The following HDAC4 variants were observed in gnomAD, a reference collection of about 807,000 sequenced individuals.
The protein encoded by HDAC4 is histone deacetylase A.
Under a neutral mutation model 135.1 loss-of-function variants are expected in HDAC4, and 16 were observed. The ratio of observed to expected loss-of-function variants is 0.12; its 90% CI spans 0.08 to 0.18. The LOEUF (loss-of-function observed/expected upper bound fraction) is 0.18, where lower values mean the gene tolerates loss of function less well. Among genes scored for constraint, HDAC4 ranks in the 10% least tolerant of loss-of-function variants. The pLI is 1.00. For missense variants in HDAC4, 1,143 were observed against 1,511.8 expected, an observed-to-expected ratio of 0.76 and a Z score of 4.05; for synonymous variants, 685 against 653.4, an observed-to-expected ratio of 1.05 and a Z score of -0.74.
At chr2:239,142,900 A>G (rs1192951630) in intron 8 of HDAC4, among the ~76,000 whole-genome samples, 1 of 87,250 alleles carries the variant, frequency 1.1e-5, no homozygotes, top group Non-Finnish European at 2.3e-5. Context: ...GAGCTCAGCA[A>G]TGATCGTGCC....
chr2:239,107,605 A>G (rs2152782580), intron 15 of HDAC4, among the ~76,000 whole-genome samples: 1 of 152,356 alleles, frequency 6.6e-6, no homozygotes. Flanking sequence ...TCTTAAAAAA[A>G]GAGAAAATTA....
At position 239,149,128 on chromosome 2, in the gene HDAC4, A is replaced by G. The variant is rs112070739; in HGVS notation, c.734-4414T>C. On this transcript the variant is annotated intron_variant, in intron 7 of 26. Transcript: ENST00000543185. ...AATAAAAAGATAATTCTGGCCGGGC[A>G]TGGAGGCTCATGCCTGTAATCCCAG... Among the ~76,000 whole-genome samples, 1,079 of 152,256 alleles carry G rather than the reference A, an allele frequency of 7.1e-3. 19 individuals are homozygous for G. The highest frequency in any genetic ancestry group is 0.024 in the African/African-American group (1,013 of 41,558).
At chr2:239,333,631 GA>G (rs1030183929) in intron 2 of HDAC4, among the ~76,000 whole-genome samples, 14 of 151,890 alleles carry the variant, frequency 9.2e-5, no homozygotes, top group East Asian at 3.9e-4. Flanking sequence ...ATAAAATAAA[GA>G]AAAAAAGCAT....
chr2:239,187,734 G>A (rs1179962352), intron 4 of HDAC4, among the ~76,000 whole-genome samples: 2 of 152,224 alleles, frequency 1.3e-5, no homozygotes, highest in African/African-American at 4.8e-5. Flanking sequence ...ATCCCAAAGG[G>A]TATGGTGCTT....
chr2:239,345,681 A>C (rs968251120), intron 2 of HDAC4, among the ~76,000 whole-genome samples: 2 of 151,398 alleles, frequency 1.3e-5, no homozygotes, highest in Admixed American at 6.6e-5. Context: ...TAAAACACAC[A>C]CACCCATCTC....
At chr2:239,336,915 T>A (rs1029726330) in intron 2 of HDAC4, among the ~76,000 whole-genome samples, 1 of 152,232 alleles carries the variant, frequency 6.6e-6, no homozygotes, top group Non-Finnish European at 1.5e-5. Context: ...AGGTGTCGCA[T>A]GTCCTGAGAT....
At chr2:239,401,610 C>A, upstream of HDAC4, 1 of 247,442 alleles carries the variant, frequency 4.0e-6, no homozygotes, top group Non-Finnish European at 7.9e-6. Flanking sequence ...ACGCGGGGAG[C>A]CGGCCAGGCC....
Position 239,308,674 on chromosome 2 carries a change from G to A in HDAC4, c.22+44004C>T, listed in dbSNP as rs548399583. On this transcript the variant is annotated intron_variant, in intron 2 of 26. Transcript: ENST00000543185. This position sits in a 1 kb window ranked among gnomAD's most constrained non-coding sequence, Gnocchi z 4.2. ...GAGTGTGGTTAACAGGCCTCCGGGT[G>A]TCCCCCCCTTCCAGCCCAGTGCAGG... is the stretch of plus-strand genomic sequence containing the variant. Among the ~76,000 whole-genome samples, 7 of 152,204 alleles carry A rather than the reference G, an allele frequency of 4.6e-5. No individual in the cohort carries two copies. Among genetic ancestry groups the A allele is most frequent in the African/African-American group, 1.7e-4 (7 of 41,542 alleles).
chr2:239,078,403 CG>C (rs3838507), intron 22 of HDAC4, among the ~76,000 whole-genome samples: 62,122 of 151,972 alleles, frequency 0.41, 13,202 homozygotes, highest in Admixed American at 0.54. Context: ...GCATTGTCCC[CG>C]GGGGGCCCCC....
chr2:239,291,275 G>A (rs1310629233), intron 2 of HDAC4, among the ~76,000 whole-genome samples: 1 of 152,246 alleles, frequency 6.6e-6, no homozygotes, highest in Non-Finnish European at 1.5e-5. Flanking sequence ...CGCCTGCCAG[G>A]GCTGGCCCGG....
chr2:239,141,521 C>T lies in HDAC4; in HGVS notation c.866-1725G>A, dbSNP rs1191284818. Among the ~76,000 whole-genome samples the T allele has an allele frequency of 6.6e-6, 1 of 152,194 alleles. No homozygotes were observed. The highest frequency in any genetic ancestry group is 1.5e-5 in the Non-Finnish European group (1 of 68,038). The stretch of plus-strand genomic sequence containing the variant: ...CCATGTTATTTGCACTGTGAGTGGG[C>T]ATTCTGAGAATGCCACCTGGGCTGA... On this transcript the variant is annotated intron_variant, in intron 8 of 26. Coordinates refer to ENST00000543185, the MANE Select transcript of HDAC4 (RefSeq NM_001378414.1). The surrounding 1 kb of genome is among the most constrained non-coding windows in gnomAD (Gnocchi z 4.9).
intron 2 of HDAC4, among the ~76,000 whole-genome samples, chr2:239,302,420 A>C (rs942082738): frequency 6.6e-5 from 10 of 152,268 alleles, no homozygotes; most frequent in African/African-American, 2.4e-4. Flanking sequence ...CAGAGAGAGG[A>C]GGCCCTTCCA....
intron 12 of HDAC4, among the ~76,000 whole-genome samples, chr2:239,125,709 G>C (rs1271365447): frequency 6.6e-6 from 1 of 152,218 alleles, no homozygotes; most frequent in Non-Finnish European, 1.5e-5. Context: ...GCCAGCATTT[G>C]ATCAACACGT....
intron 8 of HDAC4, among the ~76,000 whole-genome samples, chr2:239,142,941 C>T (rs796848042): frequency 6.6e-6 from 1 of 150,800 alleles, no homozygotes; most frequent in East Asian, 2.0e-4. Context: ...GTGAGCTCAG[C>T]ACTGATCACG....
intron 12 of HDAC4, among the ~76,000 whole-genome samples, chr2:239,119,508 C>T (rs182507932): frequency 7.3e-5 from 11 of 151,024 alleles, no homozygotes; most frequent in South Asian, 2.1e-4. Context: ...GCTGAGGGCG[C>T]GGGGACCAGA....
Position 239,164,005 on chromosome 2 carries a change from G to C in HDAC4, c.491-82C>G, listed in dbSNP as rs899351452. ...ATGCAGGGCAGCGGGGCCACAGAGG[G>C]AGGGAAGGGCTGGGGACGGCTATGC... On this transcript the variant is annotated intron_variant, in intron 5 of 26. Coordinates refer to ENST00000543185, the MANE Select transcript of HDAC4 (RefSeq NM_001378414.1). 2.8e-5 allele frequency: 43 copies of C among 1,560,322 alleles called. No individual in the cohort carries two copies. The Admixed American group carries it at 7.2e-4, about 26-fold the overall frequency.
intron 16 of HDAC4, 93 bp from the exon 17 acceptor site, chr2:239,095,149 C>T: frequency 7.3e-7 from 1 of 1,368,498 alleles, no homozygotes; most frequent in South Asian, 1.2e-5. Context: ...TTCAGTGGCA[C>T]TTGGGCATTT....
intron 1 of HDAC4, among the ~76,000 whole-genome samples, chr2:239,368,056 G>A (rs1239194594): frequency 6.6e-6 from 1 of 152,052 alleles, no homozygotes; most frequent in East Asian, 1.9e-4. Flanking sequence ...TTATGTATAC[G>A]CAAATACTTC....
intron 1 of HDAC4, among the ~76,000 whole-genome samples, chr2:239,380,490 G>C (rs902675576): frequency 3.9e-5 from 6 of 151,962 alleles, no homozygotes; most frequent in African/African-American, 1.5e-4. Flanking sequence ...AGTTCACCAC[G>C]GGCCTGACAG....
Sources: gnomAD v4.1 joint callset for allele counts (sites outside exome capture counted in the v4.1 genomes callset) on GRCh38, gnomAD v4.1.1 for gene constraint, Gnocchi (gnomAD v3.1) non-coding constraint, MANE v1.5 for transcripts, NCBI Gene and HGNC (gene_info 2026-07-23, HGNC 2026-07-21) for gene names.